COL5A2: variants seen among roughly 807,000 people sequenced by gnomAD.
COL5A2 encodes the protein collagen type V alpha 2 chain, also known as collagen alpha-2(V) chain.
In COL5A2, 23 loss-of-function variants were observed where a neutral mutation model predicts 208.2. That is an observed-to-expected ratio of 0.11 (90% CI 0.08 to 0.16). The LOEUF is 0.16. Ranked by LOEUF, COL5A2 falls within the 10% of genes least tolerant of loss-of-function variation. COL5A2 has a pLI of 1.00. For missense variants in COL5A2, 1,590 were observed against 1,956.4 expected, an observed-to-expected ratio of 0.81 and a Z score of 3.53; for synonymous variants, 625 against 628.5, an observed-to-expected ratio of 0.99 and a Z score of 0.08.
intron 47 of COL5A2, among the ~76,000 whole-genome samples, chr2:189,044,387 T>C (rs557376137): frequency 5.3e-5 from 8 of 152,170 alleles, no homozygotes; most frequent in Non-Finnish European, 8.8e-5. Flanking sequence ...GTTCGAAAGG[T>C]TCTTTTATTT....
chr2:189,102,188 A>G (rs1383448484), intron 3 of COL5A2, among the ~76,000 whole-genome samples: 5 of 152,072 alleles, frequency 3.3e-5, no homozygotes, highest in Admixed American at 2.6e-4. Flanking sequence ...CAGAATGAGA[A>G]AAATGGAACA....
chr2:189,414,264 T>C, the COL5A2 span, among the ~76,000 whole-genome samples: 1 of 152,160 alleles, frequency 6.6e-6, no homozygotes, highest in Non-Finnish European at 1.5e-5. Flanking sequence ...GGAAAAATAG[T>C]AATTATCAAA....
chr2:189,107,561 C>G (rs1375995151), intron 2 of COL5A2, among the ~76,000 whole-genome samples: 2 of 151,422 alleles, frequency 1.3e-5, no homozygotes, highest in African/African-American at 4.8e-5. Flanking sequence ...TTTTCTTCCA[C>G]TTACTTTCAG....
At chr2:189,344,900 C>A in the COL5A2 span, among the ~76,000 whole-genome samples, 1 of 152,194 alleles carries the variant, frequency 6.6e-6, no homozygotes, top group South Asian at 2.1e-4. Context: ...AAGCCACAAG[C>A]AATGTATGCC....
rs990358428 is a variant in COL5A2, at chr2:189,032,407, A to C, written c.*1663T>G. On this transcript the variant is annotated 3_prime_UTR_variant, in exon 54 of 54. Transcript: ENST00000374866. ...ATACATGATAGAAGGTATCCGTTGT[A>C]TCTTTTAAACAAATGGCAAACAAAG... 6.6e-6 allele frequency: 1 copy of C among 152,158 alleles called. No homozygotes were observed. Among genetic ancestry groups the C allele is most frequent in the African/African-American group, 2.4e-5 (1 of 41,448 alleles). The allele number at this position is 152,158 out of a possible 1,614,324, so 9.4% of individuals were successfully genotyped here.
chr2:189,271,640 A>C, the COL5A2 span, among the ~76,000 whole-genome samples: 2 of 152,202 alleles, frequency 1.3e-5, no homozygotes, highest in South Asian at 2.1e-4. Context: ...AATGGCGACA[A>C]AAGCCAAAGT....
chr2:189,396,306 A>G, the COL5A2 span, among the ~76,000 whole-genome samples: 1 of 152,208 alleles, frequency 6.6e-6, no homozygotes, highest in Non-Finnish European at 1.5e-5. Context: ...AATCACTGGT[A>G]TAGTGAAAAG....
chr2:189,052,041 T>C, intron 41 of COL5A2, 131 bp downstream of exon 41: 2 of 702,994 alleles, frequency 2.8e-6, no homozygotes, highest in South Asian at 2.2e-5. Flanking sequence ...GCATGCATTA[T>C]TGGAATAAGA....
intron 48 of COL5A2, 22 bp from the exon 49 acceptor site, chr2:189,042,795 A>T: frequency 6.3e-7 from 1 of 1,597,542 alleles, no homozygotes; most frequent in Admixed American, 1.7e-5. Flanking sequence ...TACAATAAAA[A>T]ATGTTGCCAA....
At chr2:189,299,336 T>C in the COL5A2 span, among the ~76,000 whole-genome samples, 9 of 152,308 alleles carry the variant, frequency 5.9e-5, no homozygotes, top group East Asian at 1.7e-3. Flanking sequence ...GTTAACGCTA[T>C]CATTTATTAA....
the COL5A2 span, among the ~76,000 whole-genome samples, chr2:189,350,223 T>C: frequency 3.9e-5 from 6 of 152,064 alleles, no homozygotes; most frequent in Non-Finnish European, 5.9e-5. Flanking sequence ...ATGTATTACA[T>C]GAAAGGGAAG....
At chr2:189,057,290 G>GAAAAAAAAAACAAA in intron 34 of COL5A2, 30 bp downstream of exon 34, 1 of 709,920 alleles carries the variant, frequency 1.4e-6, no homozygotes, top group East Asian at 3.1e-5. Context: ...TAAATGAACT[G>GAAAAAAAAAACAAA]AAAAAAAAAA....
the COL5A2 span, among the ~76,000 whole-genome samples, chr2:189,339,549 A>G: frequency 3.3e-5 from 5 of 152,296 alleles, no homozygotes; most frequent in East Asian, 9.7e-4. Context: ...CAGAAAGCCA[A>G]TCACTGAGCC....
At chr2:189,131,132 A>T (rs1006817350) in intron 1 of COL5A2, among the ~76,000 whole-genome samples, 5 of 152,146 alleles carry the variant, frequency 3.3e-5, no homozygotes, top group African/African-American at 1.2e-4. Context: ...GCTCACAAAT[A>T]AAGTAGAATT....
intron 8 of COL5A2, among the ~76,000 whole-genome samples, 154 bp downstream of exon 8, chr2:189,088,541 A>G (rs1413703459): frequency 8.3e-6 from 1 of 120,566 alleles, no homozygotes; most frequent in Non-Finnish European, 1.8e-5. Context: ...GGCATACAGT[A>G]GAGTAAATAA....
rs202108565 is a variant in COL5A2 at position 189,039,506 on chromosome 2, C to T, written c.3691G>A (p.Ala1231Thr). The change falls in exon 51 of 54, where the codon GCT (alanine) becomes ACT (threonine). Residue 1231 changes from alanine to threonine, a missense_variant. Transcript: ENST00000374866. ...GPPGPPGHLTAALGDIMGHYD... is the reference protein window; with the variant it reads ...GPPGPPGHLTTALGDIMGHYD... ...TGCCCCATGATATCCCCAAGAGCAG[C>T]TGTAAGGTGGCCAGGGGGACCCGGA... 1.2e-6 allele frequency: 2 copies of T among 1,614,028 alleles called. No homozygotes were observed. The highest frequency in any genetic ancestry group is 8.5e-7 in the Non-Finnish European group (1 of 1,180,004).
intron 21 of COL5A2, 115 bp from the exon 22 acceptor site, chr2:189,066,897 A>C (rs1686164711): frequency 5.1e-6 from 4 of 787,278 alleles, no homozygotes; most frequent in Admixed American, 1.9e-5. Flanking sequence ...TCGGTTTTGC[A>C]TCAGTAGTAT....
At chr2:189,161,932 A>G (rs1036716693) in intron 1 of COL5A2, among the ~76,000 whole-genome samples, 1 of 152,238 alleles carries the variant, frequency 6.6e-6, no homozygotes, top group African/African-American at 2.4e-5. Context: ...GGTTTCAAAG[A>G]GGATGCACAT....
At chr2:189,078,109 G>C (rs1397632960) in intron 16 of COL5A2, among the ~76,000 whole-genome samples, 1 of 152,154 alleles carries the variant, frequency 6.6e-6, no homozygotes. Flanking sequence ...CCTTTTAGGA[G>C]TATGAGGAAC....
Sources: gnomAD v4.1 joint callset for allele counts (sites outside exome capture counted in the v4.1 genomes callset) on GRCh38, gnomAD v4.1.1 for gene constraint, MANE v1.5 for transcripts, NCBI Gene and HGNC (gene_info 2026-07-23, HGNC 2026-07-21) for gene names.